Variants in CASP5 observed in about 807,000 individuals in gnomAD.
CASP5 encodes the protein caspase-5.
In CASP5, 42 loss-of-function variants were observed where a neutral mutation model predicts 45.2. The observed-to-expected ratio is 0.93, with a 90% confidence interval of 0.73 to 1.20. The LOEUF is 1.20. Ranked by LOEUF, CASP5 falls within the 50% of genes most tolerant of loss-of-function variation. The pLI is 0.00. For missense variants in CASP5, 512 were observed against 532.2 expected (o/e 0.96, Z 0.37); for synonymous variants, 209 against 186.2 (o/e 1.12, Z -1.00).
At chr11:105,004,054 A>G (rs1296081765) in intron 3 of CASP5, among the ~76,000 whole-genome samples, 2 of 152,150 alleles carry the variant, frequency 1.3e-5, no homozygotes, top group Admixed American at 6.6e-5. Flanking sequence ...TGAATCCTGT[A>G]CCATCCTGGT....
intron 2 of CASP5, 22 bp from the exon 3 acceptor site, chr11:105,007,356 C>G (rs1565385983): frequency 3.2e-6 from 5 of 1,583,312 alleles, no homozygotes; most frequent in Non-Finnish European, 4.3e-6. Context: ...AGAAAGACTC[C>G]TTTAACTATG....
chr11:105,007,373 G>A (rs1197587172), intron 2 of CASP5, 39 bp from the exon 3 acceptor site: 1 of 1,558,376 alleles, frequency 6.4e-7, no homozygotes, highest in Non-Finnish European at 8.6e-7. Flanking sequence ...TATGGGCACA[G>A]CTTAAAGAGT....
At chr11:104,998,336 C>T (rs45556634) in intron 7 of CASP5, among the ~76,000 whole-genome samples, 1,880 of 152,098 alleles carry the variant, frequency 0.012, 41 homozygotes, top group African/African-American at 0.042. Flanking sequence ...GGATGATTAC[C>T]TAGAGGTGAA....
chr11:105,011,247 A>G (rs1039993787), intron 1 of CASP5, among the ~76,000 whole-genome samples: 2 of 151,838 alleles, frequency 1.3e-5, no homozygotes, highest in African/African-American at 4.8e-5. Context: ...GTAAATGAAT[A>G]TAGTTTTGAC....
chr11:104,998,767 G>A, intron 7 of CASP5, 118 bp downstream of exon 7: 1 of 960,026 alleles, frequency 1.0e-6, no homozygotes, highest in African/African-American at 1.6e-5. Context: ...AAAATATATA[G>A]AGAGCACACA....
At chr11:105,017,774 G>A (rs921032397) in intron 1 of CASP5, among the ~76,000 whole-genome samples, 19 of 152,094 alleles carry the variant, frequency 1.2e-4, no homozygotes, top group Admixed American at 6.6e-4. Context: ...TAGCAAGGCA[G>A]GCCAACATTC....
intron 9 of CASP5, 49 bp downstream of exon 9, chr11:104,995,691 G>T (rs770533387): frequency 9.1e-6 from 11 of 1,211,034 alleles, no homozygotes; most frequent in Non-Finnish European, 1.2e-5. Context: ...CTTCACCACC[G>T]ATATAGCTCT....
rs73632210 is a variant in CASP5 at position 105,013,040 on chromosome 11, A to G, written c.8-4060T>C. ...AATCAACCTAAGTATCTGTAGATGG[A>G]TGAATGGATGGAGAAAGTATCATAA... On this transcript the variant is annotated intron_variant, in intron 1 of 9. Coordinates refer to ENST00000260315, the MANE Select transcript of CASP5 (RefSeq NM_004347.5). Among the ~76,000 whole-genome samples the G allele has an allele frequency of 7.7e-3, 1,170 of 152,170 alleles. 22 individuals are homozygous for G. Among genetic ancestry groups the G allele is most frequent in the African/African-American group, 0.027 (1,109 of 41,560 alleles).
chr11:105,007,510 T>G (rs1862070095), intron 2 of CASP5, among the ~76,000 whole-genome samples, 176 bp from the exon 3 acceptor site: 1 of 152,182 alleles, frequency 6.6e-6, no homozygotes, highest in South Asian at 2.1e-4. Context: ...ACCTATCAAA[T>G]TCATACCAGA....
chr11:105,018,128 G>A lies in CASP5; in HGVS notation c.7+5002C>T, dbSNP rs940212249. ...TGCTGAGAGATTTTGTCACCACCAG[G>A]CCTGCCCTAAAAGAGCTCCTGAAGG... is the stretch of plus-strand genomic sequence containing the variant. On this transcript the variant is annotated intron_variant, in intron 1 of 9. Coordinates refer to ENST00000260315, the MANE Select transcript of CASP5 (RefSeq NM_004347.5). Among the ~76,000 whole-genome samples the A allele has an allele frequency of 3.3e-5, 5 of 151,154 alleles. 1 individual carries two copies. The highest frequency in any genetic ancestry group is 2.6e-4 in the Admixed American group (4 of 15,162).
chr11:105,014,022 A>G (rs1862471689), intron 1 of CASP5, among the ~76,000 whole-genome samples: 1 of 152,140 alleles, frequency 6.6e-6, no homozygotes, highest in Admixed American at 6.5e-5. Context: ...TTTCTGAATT[A>G]CACCAAGAAC....
At chr11:105,003,430 C>T in intron 3 of CASP5, 47 bp from the exon 4 acceptor site, 1 of 982,892 alleles carries the variant, frequency 1.0e-6, no homozygotes, top group Non-Finnish European at 1.5e-6. Flanking sequence ...CCTCTGTGAC[C>T]CAATTTATCA....
At chr11:105,019,449 C>T (rs1158301659) in intron 1 of CASP5, among the ~76,000 whole-genome samples, 15,137 of 139,534 alleles carry the variant, frequency 0.11, 1,087 homozygotes, top group Admixed American at 0.15. Flanking sequence ...ATCAAATAGA[C>T]GCAATAAAAA....
Position 105,003,420 on chromosome 11 carries a change from C to T in CASP5, c.434-37G>A. 2.7e-6 allele frequency: 3 copies of T among 1,104,300 alleles called. No homozygotes were observed. The South Asian group carries it at 4.1e-5, about 15-fold the overall frequency. The allele number at this position is 1,104,300 out of a possible 1,614,324, so 68.4% of individuals were successfully genotyped here. On this transcript the variant is annotated intron_variant, in intron 3 of 9. Coordinates refer to ENST00000260315, the MANE Select transcript of CASP5 (RefSeq NM_004347.5). ...CACAAAATATAAATTATGGTTTCTG[C>T]CTCTGTGACCCAATTTATCACCTAA...
chr11:105,002,498 C>G (rs1400438142), intron 4 of CASP5, among the ~76,000 whole-genome samples: 1 of 152,080 alleles, frequency 6.6e-6, no homozygotes, highest in Non-Finnish European at 1.5e-5. Context: ...TCATATAAAC[C>G]AAGAGGTGTT....
At chr11:104,997,326 T>G in intron 8 of CASP5, 57 bp downstream of exon 8, 1 of 1,214,126 alleles carries the variant, frequency 8.2e-7, no homozygotes, top group East Asian at 2.3e-5. Context: ...TAGTGAATAA[T>G]GATAAATTCT....
chr11:105,003,249 C>G, intron 4 of CASP5, 25 bp downstream of exon 4: 2 of 1,302,788 alleles, frequency 1.5e-6, no homozygotes, highest in Non-Finnish European at 2.2e-6. Flanking sequence ...CTCTTCTTCC[C>G]CATTTCATAC....
intron 2 of CASP5, among the ~76,000 whole-genome samples, chr11:105,008,579 T>C (rs543734935): frequency 6.6e-6 from 1 of 152,112 alleles, no homozygotes; most frequent in South Asian, 2.1e-4. Context: ...TATTAATTAT[T>C]TCCATGCACA....
rs1565378278 is a variant in CASP5, at chr11:104,995,763, T to C, written c.1286A>G (p.Tyr429Cys). ...IERATLTRDF[Y>C]LFPGN ...ACATTTTCAATTGCCAGGAAAGAGGTAGAAATCTCTTGTCAAGGTTGCTCG... is the reference window on the plus strand; with the variant it reads ...ACATTTTCAATTGCCAGGAAAGAGGCAGAAATCTCTTGTCAAGGTTGCTCG... Residue 429 changes from tyrosine (Y) to cysteine (C), a missense_variant, in exon 9 of 10, where the codon TAC becomes TGC. Coordinates refer to ENST00000260315, the MANE Select transcript of CASP5 (RefSeq NM_004347.5). 3.1e-6 allele frequency: 5 copies of C among 1,610,316 alleles called. No individual in the cohort carries two copies. The East Asian group carries it at 8.9e-5, about 29-fold the overall frequency.
Sources: allele counts gnomAD v4.1 joint callset (sites outside exome capture counted in the v4.1 genomes callset), GRCh38; gene constraint gnomAD v4.1.1; transcripts MANE v1.5; gene names NCBI Gene and HGNC (gene_info 2026-07-23, HGNC 2026-07-21).